The following TENM3 variants were observed in gnomAD, a reference collection of about 807,000 sequenced individuals.
TENM3 encodes the protein teneurin-3.
In TENM3, 63 loss-of-function variants were observed where a neutral mutation model predicts 255.1. That is an observed-to-expected ratio of 0.25 (90% CI 0.20 to 0.30). The LOEUF is 0.30. Ranked by LOEUF, TENM3 falls within the 10% of genes least tolerant of loss-of-function variation. The pLI is 1.00. For missense variants in TENM3, 2,929 were observed against 3,461.1 expected (o/e 0.85, Z 3.86); for synonymous variants, 1,306 against 1,322.3 (o/e 0.99, Z 0.27).
chr4:181,589,303 C>T, the TENM3 span, among the ~76,000 whole-genome samples: 1 of 152,114 alleles, frequency 6.6e-6, no homozygotes, highest in African/African-American at 2.4e-5. Flanking sequence ...GACTCTATGT[C>T]GTTTTTGTGA....
At chr4:181,894,451 AT>A in the TENM3 span, among the ~76,000 whole-genome samples, 10 of 152,278 alleles carry the variant, frequency 6.6e-5, no homozygotes, top group South Asian at 1.0e-3. Context: ...GTTCTCTATT[AT>A]TTGTTGGCAG....
At chr4:182,786,956 GAGGCATC>G (rs1288728845) in intron 24 of TENM3, among the ~76,000 whole-genome samples, 8 of 152,178 alleles carry the variant, frequency 5.3e-5, no homozygotes, top group African/African-American at 1.7e-4. Flanking sequence ...ACCTCTTCTT[GAGGCATC>G]CAAAATTAGA....
the TENM3 span, among the ~76,000 whole-genome samples, chr4:181,832,074 C>T: frequency 0.97 from 146,410 of 150,892 alleles, 71,178 homozygotes; most frequent in East Asian, 1. Context: ...TGGAGAAATT[C>T]GGAGGAACAA....
At chr4:182,587,018 C>T (rs1053351491) in intron 3 of TENM3, among the ~76,000 whole-genome samples, 2 of 152,102 alleles carry the variant, frequency 1.3e-5, no homozygotes, top group East Asian at 3.9e-4. Context: ...CAGACTGAAT[C>T]TTTTTGCTAA....
At chr4:181,962,721 C>T in the TENM3 span, among the ~76,000 whole-genome samples, 5 of 152,146 alleles carry the variant, frequency 3.3e-5, no homozygotes, top group South Asian at 8.3e-4. Flanking sequence ...CAGTCACAGC[C>T]AAGTATGTAG....
intron 22 of TENM3, among the ~76,000 whole-genome samples, chr4:182,763,550 G>A (rs987021681): frequency 3.2e-5 from 4 of 126,420 alleles, no homozygotes; most frequent in African/African-American, 5.2e-5. Context: ...GTGAGACTCC[G>A]TCTCAAAAAA....
intron 3 of TENM3, among the ~76,000 whole-genome samples, chr4:182,412,608 G>A (rs1419473031): frequency 2.0e-5 from 3 of 152,106 alleles, no homozygotes; most frequent in Non-Finnish European, 4.4e-5. Context: ...GCTCACGCCT[G>A]TAATCCCAGC....
chr4:182,036,790 T>C, the TENM3 span, among the ~76,000 whole-genome samples: 8,276 of 152,222 alleles, frequency 0.054, 772 homozygotes, highest in African/African-American at 0.19. Context: ...AGTTATTAAT[T>C]TTCCTGATAA....
chr4:181,826,951 A>C, the TENM3 span, among the ~76,000 whole-genome samples: 2 of 152,216 alleles, frequency 1.3e-5, no homozygotes, highest in Non-Finnish European at 2.9e-5. Flanking sequence ...CCAGGAAAGA[A>C]GTGTGGTGTT....
At chr4:182,208,489 A>G (rs1450280413) in intron 1 of TENM3, among the ~76,000 whole-genome samples, 6 of 152,226 alleles carry the variant, frequency 3.9e-5, no homozygotes, top group African/African-American at 1.4e-4. Context: ...ATTTCCACAC[A>G]TTTTACTGAC....
chr4:181,797,000 A>G, the TENM3 span, among the ~76,000 whole-genome samples: 1 of 152,114 alleles, frequency 6.6e-6, no homozygotes, highest in African/African-American at 2.4e-5. Context: ...TTCAGACGGC[A>G]AAGAGGGAGG....
intron 1 of TENM3, among the ~76,000 whole-genome samples, chr4:182,213,847 G>C (rs1231725839): frequency 6.6e-6 from 1 of 152,028 alleles, no homozygotes; most frequent in East Asian, 1.9e-4. Flanking sequence ...TGTCGCCCAG[G>C]CTGGAGTGCA....
At chr4:182,120,473 C>T in the TENM3 span, among the ~76,000 whole-genome samples, 20 of 151,992 alleles carry the variant, frequency 1.3e-4, no homozygotes, top group Admixed American at 9.8e-4. Flanking sequence ...TATATACACA[C>T]GTGTGTGTAT....
chr4:182,067,972 G>C, the TENM3 span, among the ~76,000 whole-genome samples: 32 of 152,224 alleles, frequency 2.1e-4, no homozygotes, highest in Non-Finnish European at 4.0e-4. Flanking sequence ...CCAGGAAAGA[G>C]AACTAGCGAT....
the TENM3 span, among the ~76,000 whole-genome samples, chr4:181,544,552 C>A: frequency 6.6e-6 from 1 of 152,078 alleles, no homozygotes; most frequent in Admixed American, 6.6e-5. Context: ...CACTTCTGGG[C>A]TGCCCCCTGC....
chr4:182,469,601 G>T (rs1580661923), intron 3 of TENM3, among the ~76,000 whole-genome samples: 1 of 151,820 alleles, frequency 6.6e-6, no homozygotes, highest in Admixed American at 6.6e-5. Flanking sequence ...GTAGTCCCAG[G>T]TACTCAGGAG....
chr4:181,986,410 T>A, the TENM3 span, among the ~76,000 whole-genome samples: 2 of 152,040 alleles, frequency 1.3e-5, no homozygotes, highest in African/African-American at 4.8e-5. Flanking sequence ...CTCTTCCAAG[T>A]GTTCTGGCTC....
At chr4:181,793,618 A>G in the TENM3 span, among the ~76,000 whole-genome samples, 1 of 152,212 alleles carries the variant, frequency 6.6e-6, no homozygotes, top group Admixed American at 6.5e-5. Flanking sequence ...ATCACTTGGT[A>G]TAGAGCTAAA....
chr4:182,512,085 T>C (rs150418083), intron 3 of TENM3, among the ~76,000 whole-genome samples: 113 of 152,168 alleles, frequency 7.4e-4, no homozygotes, highest in African/African-American at 2.5e-3. Context: ...CCTGGGATAG[T>C]GAAAGTAAAG....
Sources: allele counts gnomAD v4.1 joint callset (sites outside exome capture counted in the v4.1 genomes callset), GRCh38; gene constraint gnomAD v4.1.1; transcripts MANE v1.5; gene names NCBI Gene and HGNC (gene_info 2026-07-23, HGNC 2026-07-21).